DNAAF6: variants seen among roughly 807,000 people sequenced by gnomAD.
The protein encoded by DNAAF6 is dynein axonemal assembly factor 6.
A neutral mutation model predicts 13.7 loss-of-function variants in DNAAF6; 3 were observed. The ratio of observed to expected loss-of-function variants is 0.22; its 90% CI spans 0.10 to 0.56. DNAAF6 has a LOEUF of 0.56. Ranked by LOEUF, DNAAF6 falls within the 20% of genes least tolerant of loss-of-function variation. DNAAF6 has a pLI of 0.92. For synonymous variants in DNAAF6, 54 were observed against 49.2 expected (o/e 1.10, Z -0.41); for missense variants, 130 against 151.0 (o/e 0.86, Z 0.73).
chrX:107,220,957 T>TTC (rs1460566345), intron 4 of DNAAF6, among the ~76,000 whole-genome samples: 3 of 50,518 alleles, frequency 5.9e-5, no homozygotes, highest in African/African-American at 2.1e-4. Flanking sequence ...CTTTCTTTCT[T>TTC]TTTCTTTCTT....
chrX:107,208,726 CG>C (rs1569370564), intron 1 of DNAAF6, among the ~76,000 whole-genome samples: 1 of 109,643 alleles, frequency 9.1e-6, no homozygotes, highest in African/African-American at 3.3e-5. Flanking sequence ...GTAGTAGAGA[CG>C]GGGTTTCACC....
At chrX:107,239,764 G>C (rs752282928) in intron 6 of DNAAF6, among the ~76,000 whole-genome samples, 1 of 111,859 alleles carries the variant, frequency 8.9e-6, no homozygotes, top group African/African-American at 3.2e-5. Flanking sequence ...ATGGTCTACA[G>C]ATAAATATAT....
chrX:107,213,085 A>C (rs1389116997), intron 2 of DNAAF6, 57 bp downstream of exon 2: 3 of 1,089,351 alleles, frequency 2.8e-6, no homozygotes, highest in Non-Finnish European at 3.7e-6. Flanking sequence ...GTGGAACTGT[A>C]TTTGAATAAC....
intron 5 of DNAAF6, among the ~76,000 whole-genome samples, chrX:107,228,737 T>C (rs1928312458): frequency 9.0e-6 from 1 of 111,084 alleles, no homozygotes; most frequent in South Asian, 3.8e-4. Flanking sequence ...CACTTCAGCC[T>C]CTCTGGTAGC....
chrX:107,216,890 A>G (rs1191535983), intron 3 of DNAAF6, 147 bp downstream of exon 3: 1 of 395,238 alleles, frequency 2.5e-6, no homozygotes, highest in African/African-American at 2.6e-5. Flanking sequence ...CTAAGATAGT[A>G]GATTTTAAGT....
Position 107,219,501 on chromosome X carries a change from C to A in DNAAF6, c.332+532C>A, listed in dbSNP as rs747275715. Among the ~76,000 whole-genome samples, 4 of 111,594 alleles carry A rather than the reference C, an allele frequency of 3.6e-5. No individual in the cohort carries two copies. The East Asian group carries it at 1.1e-3, about 31-fold the overall frequency. ...GACTTGCTTTGTAGCCTTTTCAATA[C>A]AATCAAGTTGTAAATATGAAATTTA... On this transcript the variant is annotated intron_variant, in intron 4 of 6. Coordinates refer to ENST00000372453, the MANE Select transcript of DNAAF6 (RefSeq NM_173494.2).
chrX:107,222,951 G>T, intron 5 of DNAAF6, 110 bp downstream of exon 5: 1 of 995,193 alleles, frequency 1.0e-6, no homozygotes, highest in Non-Finnish European at 1.3e-6. Context: ...TAAAAATCGT[G>T]GTTGCTATGT....
In DNAAF6 at chrX:107,243,421, T is replaced by C; in HGVS notation, c.*123T>C. 1.1e-6 allele frequency: 1 copy of C among 893,125 alleles called. No homozygotes were observed. The highest frequency in any genetic ancestry group is 2.7e-5 in the South Asian group (1 of 37,618). The allele number at this position is 893,125 out of a possible 1,213,427, so 73.6% of individuals were successfully genotyped here. On this transcript the variant is annotated 3_prime_UTR_variant, in exon 7 of 7. Transcript: ENST00000372453. Reference sequence around the variant, plus strand: ...GACATATTTTTGAAAGGGACAAAATTCAGTTCTAGTGATATTGTGACCATT... The same window carrying C: ...GACATATTTTTGAAAGGGACAAAATCCAGTTCTAGTGATATTGTGACCATT...
intron 2 of DNAAF6, among the ~76,000 whole-genome samples, chrX:107,215,882 G>T (rs1569371916): frequency 9.0e-6 from 1 of 111,652 alleles, no homozygotes; most frequent in Non-Finnish European, 1.9e-5. Flanking sequence ...AAGAAATTGG[G>T]ATTTTCTTGA....
rs753958073 is a variant in DNAAF6, at chrX:107,212,864, T to C, written c.-3-9T>C. On this transcript the variant is annotated splice_polypyrimidine_tract_variant and intron_variant, in intron 1 of 6. Coordinates refer to ENST00000372453, the MANE Select transcript of DNAAF6 (RefSeq NM_173494.2). ...TAAAATACCTCTTTCTGATTATCTT[T>C]TTCTTCAGATAATGGAATCTGAAAA... The C allele has an allele frequency of 4.3e-6, 5 of 1,166,998 alleles. No individual in the cohort carries two copies. Among genetic ancestry groups the C allele is most frequent in the Non-Finnish European group, 2.3e-6 (2 of 874,219 alleles).
rs780878630 is a variant in DNAAF6, at chrX:107,212,905, T to C, written c.30T>C (p.Asn10=). The C allele has an allele frequency of 3.3e-6, 4 of 1,197,978 alleles. No individual in the cohort carries two copies. The highest frequency in any genetic ancestry group is 3.5e-5 in the African/African-American group (2 of 56,696). The change falls in exon 2 of 7, where the codon AAT becomes AAC. Residue 10 remains asparagine, a synonymous_variant. Coordinates refer to ENST00000372453, the MANE Select transcript of DNAAF6 (RefSeq NM_173494.2). MESENMDSE[N]MKTENMESQN... Reference sequence around the variant, plus strand: ...AATCTGAAAATATGGATTCTGAAAATATGAAGACAGAAAATATGGAATCTC... The same window carrying C: ...AATCTGAAAATATGGATTCTGAAAACATGAAGACAGAAAATATGGAATCTC...
intron 5 of DNAAF6, among the ~76,000 whole-genome samples, chrX:107,234,860 T>C (rs1364687194): frequency 8.9e-6 from 1 of 112,100 alleles, no homozygotes; most frequent in Non-Finnish European, 1.9e-5. Context: ...AAACATCTTA[T>C]AATATAATTG....
intron 5 of DNAAF6, among the ~76,000 whole-genome samples, chrX:107,234,925 C>A (rs1221387482): frequency 9.0e-6 from 1 of 111,620 alleles, no homozygotes; most frequent in Non-Finnish European, 1.9e-5. Context: ...AATTATATGA[C>A]CTTTCAGGAA....
At chrX:107,219,584 C>T (rs1432752797) in intron 4 of DNAAF6, among the ~76,000 whole-genome samples, 3 of 111,159 alleles carry the variant, frequency 2.7e-5, no homozygotes, top group Non-Finnish European at 3.8e-5. Flanking sequence ...TTTTAAGAAC[C>T]TTAAAATATA....
chrX:107,242,411 A>C (rs1928641942), intron 6 of DNAAF6, among the ~76,000 whole-genome samples: 1 of 112,484 alleles, frequency 8.9e-6, no homozygotes, highest in Non-Finnish European at 1.9e-5. Flanking sequence ...TCCACCTTTT[A>C]TAGAGATACT....
intron 4 of DNAAF6, among the ~76,000 whole-genome samples, chrX:107,220,957 T>TTCTTTCTTTCTG (rs1460566345): frequency 2.2e-4 from 11 of 50,520 alleles, no homozygotes; most frequent in African/African-American, 7.9e-4. Context: ...CTTTCTTTCT[T>TTCTTTCTTTCTG]TTTCTTTCTT....
chrX:107,231,015 T>C (rs953294406), intron 5 of DNAAF6, among the ~76,000 whole-genome samples: 6 of 112,152 alleles, frequency 5.3e-5, no homozygotes, highest in African/African-American at 1.6e-4. Flanking sequence ...TTTAATTGCA[T>C]GTTAGTACCT....
In DNAAF6 at chrX:107,229,127, C is replaced by CTTTT. The variant is rs768372176; in HGVS notation, c.429+6311_429+6314dup. Reference sequence around the variant, plus strand: ...GCAGCATTCCACCCTGTTGACTACTCTTTTTTTTTTTTTTTTTTTTTTTTT... The same window carrying CTTTT: ...GCAGCATTCCACCCTGTTGACTACTCTTTTTTTTTTTTTTTTTTTTTTTTTTTTT... On this transcript the variant is annotated intron_variant, in intron 5 of 6. Coordinates refer to ENST00000372453, the MANE Select transcript of DNAAF6 (RefSeq NM_173494.2). Among the ~76,000 whole-genome samples, 201 of 51,587 alleles carry CTTTT rather than the reference C, an allele frequency of 3.9e-3. 46 individuals are homozygous for CTTTT. Among genetic ancestry groups the CTTTT allele is most frequent in the African/African-American group, 0.021 (185 of 8,999 alleles). 44.8% of individuals were successfully genotyped at this position (51,587 alleles called of 115,157 possible).
intron 1 of DNAAF6, among the ~76,000 whole-genome samples, chrX:107,209,726 G>A (rs778822322): frequency 1.8e-5 from 2 of 112,111 alleles, no homozygotes; most frequent in African/African-American, 6.5e-5. Flanking sequence ...GAACCACTGC[G>A]CCCAGCCCTG....
Sources: allele counts gnomAD v4.1 joint callset (sites outside exome capture counted in the v4.1 genomes callset), GRCh38; gene constraint gnomAD v4.1.1; transcripts MANE v1.5; gene names NCBI Gene and HGNC (gene_info 2026-07-23, HGNC 2026-07-21).